BCAR3: variants seen among roughly 807,000 people sequenced by gnomAD.
BCAR3 encodes BCAR3 adaptor protein, NSP family member.
In BCAR3, 37 loss-of-function variants were observed where a neutral mutation model predicts 80.1. The ratio of observed to expected loss-of-function variants is 0.46; its 90% CI spans 0.36 to 0.61. The LOEUF is 0.61. BCAR3 is among the 20% of genes least tolerant of loss of function. The pLI is 0.00. For synonymous variants in BCAR3, 389 were observed against 418.9 expected (o/e 0.93, Z 0.87); for missense variants, 978 against 1,068.2 (o/e 0.92, Z 1.18).
intron 2 of BCAR3, among the ~76,000 whole-genome samples, chr1:93,643,545 CAAA>C (rs547667389): frequency 0.02 from 444 of 22,150 alleles, no homozygotes; most frequent in African/African-American, 0.054. Flanking sequence ...GACTCTTTCT[CAAA>C]AAAAAAAAAA....
intron 2 of BCAR3, among the ~76,000 whole-genome samples, chr1:93,815,590 G>C (rs1417227805): frequency 6.6e-6 from 1 of 152,118 alleles, no homozygotes; most frequent in Non-Finnish European, 1.5e-5. Context: ...TTCGCAAAGC[G>C]GGGAAGCAGC....
chr1:93,819,178 C>T (rs564295365), intron 2 of BCAR3, among the ~76,000 whole-genome samples: 6 of 152,010 alleles, frequency 3.9e-5, no homozygotes, highest in Non-Finnish European at 5.9e-5. Context: ...GCCATTCTCC[C>T]GCCTCAGGCT....
rs1177071113 is a variant in BCAR3, at chr1:93,823,700, T to A, written c.-63+21867A>T. Among the ~76,000 whole-genome samples the A allele has an allele frequency of 2.2e-5, 3 of 134,020 alleles. 1 individual carries two copies. The highest frequency in any genetic ancestry group is 5.1e-5 in the Non-Finnish European group (3 of 59,232). The allele number at this position is 134,020 out of a possible 152,430, so 87.9% of individuals were successfully genotyped here. A position where few individuals can be genotyped will look rare whatever the true frequency, so the allele number is the denominator to read the frequency against. On this transcript the variant is annotated intron_variant, in intron 2 of 13. Coordinates refer to the BCAR3 transcript ENST00000370244. ...AGAAAAGTATCTCATTGTTTTTTGT[T>A]GTTGTTGTTATTATTTTTTGAGACG...
intron 2 of BCAR3, among the ~76,000 whole-genome samples, chr1:93,749,886 C>CTTTT (rs754541949): frequency 1.6e-4 from 22 of 140,432 alleles, no homozygotes; most frequent in South Asian, 4.5e-4. Context: ...ATGATCTTGA[C>CTTTT]TTATTTTTTT....
intron 7 of BCAR3, among the ~76,000 whole-genome samples, chr1:93,579,449 T>C (rs1673610498): frequency 6.6e-6 from 1 of 152,068 alleles, no homozygotes; most frequent in South Asian, 2.1e-4. Flanking sequence ...GGCTAGCTCC[T>C]GCTCGCTGCC....
intron 2 of BCAR3, among the ~76,000 whole-genome samples, chr1:93,776,500 A>G (rs1378801775): frequency 6.6e-6 from 1 of 152,182 alleles, no homozygotes; most frequent in Non-Finnish European, 1.5e-5. Flanking sequence ...ATATCTAGTA[A>G]GTATTCAAAT....
chr1:93,707,031 C>T (rs1649850120), intron 2 of BCAR3, among the ~76,000 whole-genome samples: 1 of 151,656 alleles, frequency 6.6e-6, no homozygotes, highest in Non-Finnish European at 1.5e-5. Context: ...AAAAATTAAC[C>T]AGGTGTGGTG....
chr1:93,717,583 C>G (rs1446049907), intron 2 of BCAR3, among the ~76,000 whole-genome samples: 2 of 152,022 alleles, frequency 1.3e-5, no homozygotes, highest in Non-Finnish European at 2.9e-5. Context: ...AAAAAATTAG[C>G]TGGGCATGGT....
rs1653972386 is a variant in BCAR3, at chr1:93,815,145, G to A, written c.-63+30422C>T. On this transcript the variant is annotated intron_variant, in intron 2 of 13. Transcript: ENST00000370244. ...ATTATATCACACCTGAGATCCCTGG[G>A]CTGTCTGAGCAGGCATTCAGGTCCC... 5.3e-5 allele frequency among the ~76,000 whole-genome samples: 8 copies of A among 152,268 alleles called. No homozygotes were observed. In the South Asian group the frequency reaches 1.7e-3, roughly 32 times the overall value.
intron 3 of BCAR3, among the ~76,000 whole-genome samples, chr1:93,626,052 G>C (rs1675447235): frequency 6.6e-6 from 1 of 152,110 alleles, no homozygotes; most frequent in Admixed American, 6.6e-5. Context: ...AATTGCTTCT[G>C]GCCTAGCACT....
intron 2 of BCAR3, among the ~76,000 whole-genome samples, chr1:93,840,741 C>T (rs7521365): frequency 0.32 from 47,943 of 152,048 alleles, 10,915 homozygotes; most frequent in African/African-American, 0.65. Context: ...GATATTCTGC[C>T]AAGCCTTGGG....
intron 2 of BCAR3, among the ~76,000 whole-genome samples, chr1:93,810,731 T>A (rs1483837112): frequency 1.3e-5 from 2 of 152,112 alleles, no homozygotes; most frequent in African/African-American, 4.8e-5. Context: ...TGTCCAAAGC[T>A]CTCTGGTCAT....
At chr1:93,772,968 C>T (rs956261804) in intron 2 of BCAR3, among the ~76,000 whole-genome samples, 3 of 152,164 alleles carry the variant, frequency 2.0e-5, no homozygotes, top group Non-Finnish European at 4.4e-5. Context: ...CATGGATAGT[C>T]ATTGGTGGTA....
intron 2 of BCAR3, among the ~76,000 whole-genome samples, chr1:93,789,076 A>T (rs1276273265): frequency 1.3e-5 from 2 of 151,934 alleles, no homozygotes; most frequent in African/African-American, 2.4e-5. Flanking sequence ...GCTCACTATA[A>T]CCTCTTACTC....
intron 2 of BCAR3, among the ~76,000 whole-genome samples, chr1:93,757,448 G>T (rs1651785671): frequency 6.6e-6 from 1 of 152,216 alleles, no homozygotes; most frequent in Admixed American, 6.5e-5. Flanking sequence ...AGGGAGAGAA[G>T]CAATGACTGG....
chr1:93,563,561 A>G (rs939275505), intron 11 of BCAR3, among the ~76,000 whole-genome samples: 1 of 152,348 alleles, frequency 6.6e-6, no homozygotes. Flanking sequence ...TGGGTCATAC[A>G]ATCAGTATAT....
At chr1:93,683,621 C>A (rs1233262467), upstream of BCAR3, among the ~76,000 whole-genome samples, 1 of 152,190 alleles carries the variant, frequency 6.6e-6, no homozygotes, top group African/African-American at 2.4e-5. Context: ...AACTCATTTA[C>A]ACTCAACAAG....
intron 2 of BCAR3, among the ~76,000 whole-genome samples, chr1:93,723,836 G>A (rs963947189): frequency 6.6e-6 from 1 of 152,164 alleles, no homozygotes; most frequent in Admixed American, 6.5e-5. Context: ...AGGGCCTCTC[G>A]GCAGTTCTCT....
intron 11 of BCAR3, among the ~76,000 whole-genome samples, chr1:93,565,152 A>C (rs3767969): frequency 0.61 from 92,343 of 151,668 alleles, 30,248 homozygotes; most frequent in Non-Finnish European, 0.74. Flanking sequence ...TCTCGGCTCA[A>C]TGAAATTAAG....
Sources: allele counts gnomAD v4.1 joint callset (sites outside exome capture counted in the v4.1 genomes callset), GRCh38; gene constraint gnomAD v4.1.1; transcripts MANE v1.5; gene names NCBI Gene and HGNC (gene_info 2026-07-23, HGNC 2026-07-21).